CACNA2D3: variants seen among roughly 807,000 people sequenced by gnomAD.
CACNA2D3 encodes calcium voltage-gated channel auxiliary subunit alpha2delta 3.
In CACNA2D3, 60 loss-of-function variants were observed where a neutral mutation model predicts 160.6. The observed-to-expected ratio is 0.37, with a 90% CI of 0.30 to 0.46. CACNA2D3 has a LOEUF of 0.46. Among genes scored for constraint, CACNA2D3 ranks in the 20% least tolerant of loss-of-function variants. The pLI is 1.00. For synonymous variants in CACNA2D3, 558 were observed against 492.9 expected, an observed-to-expected ratio of 1.13 and a Z score of -1.75; for missense variants, 1,205 against 1,365.0, an observed-to-expected ratio of 0.88 and a Z score of 1.85.
At chr3:54,310,415 G>C (rs1703711259) in intron 2 of CACNA2D3, among the ~76,000 whole-genome samples, 1 of 152,184 alleles carries the variant, frequency 6.6e-6, no homozygotes, top group Non-Finnish European at 1.5e-5. Flanking sequence ...CTGTCTGTAA[G>C]GAGAGACTGC....
chr3:54,572,299 A>T (rs539035954), intron 8 of CACNA2D3, among the ~76,000 whole-genome samples: 1 of 152,338 alleles, frequency 6.6e-6, no homozygotes, highest in African/African-American at 2.4e-5. Flanking sequence ...TTGTTCATTC[A>T]TGGATGTATC....
chr3:54,946,956 C>A (rs541526124), intron 27 of CACNA2D3, among the ~76,000 whole-genome samples: 1 of 152,320 alleles, frequency 6.6e-6, no homozygotes, highest in South Asian at 2.1e-4. Flanking sequence ...AAAAATTAAT[C>A]TGCCTGTGAC....
chr3:54,900,919 T>C (rs1243871429), intron 27 of CACNA2D3, among the ~76,000 whole-genome samples: 1 of 152,222 alleles, frequency 6.6e-6, no homozygotes, highest in Non-Finnish European at 1.5e-5. Context: ...GTAGTTGCCC[T>C]GGTTATTCCT....
chr3:55,063,920 T>A (rs1297093064), intron 35 of CACNA2D3, among the ~76,000 whole-genome samples: 1 of 152,240 alleles, frequency 6.6e-6, no homozygotes, highest in African/African-American at 2.4e-5. Flanking sequence ...GGGCTGCTTG[T>A]TTAAAAAGCA....
chr3:54,860,578 G>A (rs995766339), intron 17 of CACNA2D3, among the ~76,000 whole-genome samples: 2 of 152,184 alleles, frequency 1.3e-5, no homozygotes, highest in African/African-American at 2.4e-5. Context: ...ATTCATTTGA[G>A]CGTTAATGAT....
intron 2 of CACNA2D3, among the ~76,000 whole-genome samples, chr3:54,135,031 C>T (rs1038181785): frequency 7.9e-5 from 12 of 152,218 alleles, no homozygotes; most frequent in East Asian, 1.9e-4. Context: ...TTCCATAAAG[C>T]GCTTGAGTGC....
intron 31 of CACNA2D3, among the ~76,000 whole-genome samples, chr3:54,999,352 A>G (rs532820665): frequency 1.8e-4 from 27 of 152,272 alleles, no homozygotes; most frequent in African/African-American, 5.5e-4. Context: ...AGAATTTCCT[A>G]TGTTCCTCCC....
intron 4 of CACNA2D3, among the ~76,000 whole-genome samples, chr3:54,473,748 G>T (rs1700778296): frequency 1.3e-5 from 2 of 152,156 alleles, no homozygotes; most frequent in Admixed American, 1.3e-4. Context: ...CTTCTCAAAA[G>T]AAGACATTTA....
intron 10 of CACNA2D3, among the ~76,000 whole-genome samples, chr3:54,641,819 C>A (rs1699527225): frequency 6.6e-6 from 1 of 152,180 alleles, no homozygotes; most frequent in Non-Finnish European, 1.5e-5. Context: ...GTATGTCTGA[C>A]CCTTCCCCCA....
At chr3:54,597,427 C>T (rs1270739045) in intron 9 of CACNA2D3, among the ~76,000 whole-genome samples, 1 of 152,088 alleles carries the variant, frequency 6.6e-6, no homozygotes, top group Non-Finnish European at 1.5e-5. Context: ...TCTCTCCCAC[C>T]TTCACCCCTG....
intron 9 of CACNA2D3, among the ~76,000 whole-genome samples, chr3:54,622,058 G>A (rs752649869): frequency 6.6e-6 from 1 of 152,106 alleles, no homozygotes; most frequent in South Asian, 2.1e-4. Flanking sequence ...TTGTAGAGAG[G>A]GCGAATGTCA....
chr3:54,804,391 T>G (rs561147124), intron 13 of CACNA2D3, among the ~76,000 whole-genome samples: 3,698 of 151,654 alleles, frequency 0.024, 147 homozygotes, highest in African/African-American at 0.081. Flanking sequence ...ACAAAAAAAG[T>G]CAGGGGTTGC....
chr3:54,881,323 C>T (rs768989229), intron 21 of CACNA2D3, among the ~76,000 whole-genome samples: 1 of 152,122 alleles, frequency 6.6e-6, no homozygotes, highest in Non-Finnish European at 1.5e-5. Context: ...AGTTGAGCCA[C>T]GTATTTCACT....
intron 3 of CACNA2D3, among the ~76,000 whole-genome samples, chr3:54,372,480 C>A (rs1171631049): frequency 1.3e-5 from 2 of 152,140 alleles, no homozygotes; most frequent in African/African-American, 4.8e-5. Context: ...CCCCTAGAAC[C>A]ATGCACGGGG....
intron 17 of CACNA2D3, among the ~76,000 whole-genome samples, chr3:54,864,667 A>G (rs1463087860): frequency 6.6e-6 from 1 of 152,200 alleles, no homozygotes; most frequent in African/African-American, 2.4e-5. Flanking sequence ...AAGACCGGCT[A>G]GTGGGATTTG....
chr3:54,295,292 G>T (rs2107482844), intron 2 of CACNA2D3, among the ~76,000 whole-genome samples: 1 of 152,266 alleles, frequency 6.6e-6, no homozygotes, highest in Middle Eastern at 3.4e-3. Flanking sequence ...AGTATGGAGA[G>T]CTTTCCAGAT....
intron 35 of CACNA2D3, among the ~76,000 whole-genome samples, chr3:55,019,085 T>C (rs1703392153): frequency 6.6e-6 from 1 of 151,008 alleles, no homozygotes; most frequent in Admixed American, 6.6e-5. Flanking sequence ...GAAATTTTCT[T>C]TCTTTCTTTC....
intron 4 of CACNA2D3, among the ~76,000 whole-genome samples, chr3:54,498,523 C>T (rs1322152259): frequency 2.6e-5 from 4 of 151,680 alleles, no homozygotes; most frequent in Non-Finnish European, 5.9e-5. Flanking sequence ...ATTATATTAA[C>T]CAAATTTTGG....
At chr3:55,031,278 T>C (rs1703684144) in intron 35 of CACNA2D3, among the ~76,000 whole-genome samples, 1 of 152,180 alleles carries the variant, frequency 6.6e-6, no homozygotes, top group South Asian at 2.1e-4. Flanking sequence ...CCCCTTGCTG[T>C]GCCCAATACT....
Sources: gnomAD v4.1 joint callset for allele counts (sites outside exome capture counted in the v4.1 genomes callset) on GRCh38, gnomAD v4.1.1 for gene constraint, MANE v1.5 for transcripts, NCBI Gene and HGNC (gene_info 2026-07-23, HGNC 2026-07-21) for gene names.